The following NAV3 variants were observed in gnomAD, a reference collection of about 807,000 sequenced individuals.
The protein encoded by NAV3 is pore membrane and/or filament interacting like protein 1.
Under a neutral mutation model 244.7 loss-of-function variants are expected in NAV3, and 87 were observed. The observed-to-expected ratio is 0.36, with a 90% CI of 0.30 to 0.42. NAV3 has a LOEUF of 0.42. Among genes scored for constraint, NAV3 ranks in the 20% least tolerant of loss-of-function variants. NAV3 has a pLI of 1.00. For missense variants in NAV3, 2,663 were observed against 2,893.3 expected, an observed-to-expected ratio of 0.92 and a Z score of 1.83; for synonymous variants, 1,126 against 1,042.2, an observed-to-expected ratio of 1.08 and a Z score of -1.55.
intron 2 of NAV3, among the ~76,000 whole-genome samples, chr12:77,813,511 T>C (rs1267468769): frequency 6.6e-6 from 1 of 152,178 alleles, no homozygotes; most frequent in Non-Finnish European, 1.5e-5. Context: ...CCAGATATCA[T>C]TGATTTAACT....
At chr12:77,701,527 C>T (rs1191693402) in intron 2 of NAV3, among the ~76,000 whole-genome samples, 2 of 151,752 alleles carry the variant, frequency 1.3e-5, no homozygotes, top group African/African-American at 2.4e-5. Context: ...TTTTCATACT[C>T]TTCATTTTAA....
chr12:77,592,347 AT>A (rs1565728342), intron 2 of NAV3, among the ~76,000 whole-genome samples: 1 of 152,150 alleles, frequency 6.6e-6, no homozygotes, highest in Non-Finnish European at 1.5e-5. Flanking sequence ...GATGTTATAT[AT>A]TTTTTGATAC....
At position 77,856,326 on chromosome 12, in the gene NAV3, A is replaced by G. The variant is rs78289074; in HGVS notation, c.243+24622A>G. On this transcript the variant is annotated intron_variant, in intron 1 of 39. Transcript: ENST00000397909. ...AGAATAAATAATGCTTTATGAAATGATAATGACAAGGTGAAAATTAGGAGG... is the reference window on the plus strand; with the variant it reads ...AGAATAAATAATGCTTTATGAAATGGTAATGACAAGGTGAAAATTAGGAGG... 1.6e-3 allele frequency among the ~76,000 whole-genome samples: 241 copies of G among 152,278 alleles called. 2 individuals are homozygous for G. The East Asian group carries it at 0.039, about 24-fold the overall frequency.
At chr12:78,100,420 A>C (rs901245196) in intron 12 of NAV3, among the ~76,000 whole-genome samples, 1 of 151,876 alleles carries the variant, frequency 6.6e-6, no homozygotes, top group Non-Finnish European at 1.5e-5. Context: ...CAAGAGACCT[A>C]GAGTCTCTTT....
At chr12:78,001,389 T>C (rs979685161) in intron 7 of NAV3, among the ~76,000 whole-genome samples, 4 of 152,358 alleles carry the variant, frequency 2.6e-5, no homozygotes, top group African/African-American at 9.6e-5. Context: ...ATACATTCTT[T>C]AACAACTCTG....
At position 78,118,285 on chromosome 12, in the gene NAV3, C is replaced by A. The variant is rs956237809; in HGVS notation, c.3028C>A (p.Leu1010Ile). 1.9e-6 allele frequency: 3 copies of A among 1,604,100 alleles called. No homozygotes were observed. The highest frequency in any genetic ancestry group is 2.6e-6 in the Non-Finnish European group (3 of 1,172,834). ...PSRQKAGTSA[L>I]KTPGKTDDAK... ...TAGGCAGAAAGCTGGAACAAGTGCACTCAAAACACCCGGTAGGCTTGTCGT... is the reference window on the plus strand; with the variant it reads ...TAGGCAGAAAGCTGGAACAAGTGCAATCAAAACACCCGGTAGGCTTGTCGT... Residue 1010 changes from leucine to isoleucine, a missense_variant, in exon 14 of 40, where the codon CTC (leucine) becomes ATC (isoleucine). By Grantham distance (5) the Leu-to-Ile change is conservative. This residue lies in a region of NAV3 where 1,521 missense variants were observed against 1,497.0 expected (regional missense o/e 1.02). Coordinates refer to ENST00000397909, the MANE Select transcript of NAV3 (RefSeq NM_001024383.2).
intron 12 of NAV3, among the ~76,000 whole-genome samples, chr12:78,060,137 G>C (rs1240074110): frequency 6.6e-6 from 1 of 152,060 alleles, no homozygotes; most frequent in African/African-American, 2.4e-5. Context: ...TTTTGACTTT[G>C]TTGAGCAGGA....
At chr12:77,760,212 A>G (rs1454900261) in intron 2 of NAV3, among the ~76,000 whole-genome samples, 1 of 152,222 alleles carries the variant, frequency 6.6e-6, no homozygotes, top group Non-Finnish European at 1.5e-5. Context: ...TAGCCATGTA[A>G]AAACTTCCAA....
At position 78,128,821 on chromosome 12, in the gene NAV3, G is replaced by T. The variant is rs1346218052; in HGVS notation, c.4396G>T (p.Ala1466Ser). The T allele has an allele frequency of 5.6e-6, 9 of 1,613,970 alleles. No individual in the cohort carries two copies. The highest frequency in any genetic ancestry group is 6.8e-6 in the Non-Finnish European group (8 of 1,179,940). ...GNQSPLVSPS[A>S]MSSSAAGKYH... ...CCAGTCACCTCTGGTTTCCCCTTCTGCCATGTCATCTTCTGCAGCTGGAAA... is the reference window on the plus strand; with the variant it reads ...CCAGTCACCTCTGGTTTCCCCTTCTTCCATGTCATCTTCTGCAGCTGGAAA... Residue 1466 changes from alanine (A) to serine (S), a missense_variant, in exon 18 of 40, where the codon GCC (alanine) becomes TCC (serine). Coordinates refer to ENST00000397909, the MANE Select transcript of NAV3 (RefSeq NM_001024383.2).
At position 78,032,371 on chromosome 12, in the gene NAV3, A is replaced by C. The variant is rs569849886; in HGVS notation, c.2023+10509A>C. ...GTCTTTGCCATTAAATGGTAATGAA[A>C]GTTTAAAAAGGTAATAAATTATGGT... On this transcript the variant is annotated intron_variant, in intron 9 of 39. Coordinates refer to ENST00000397909, the MANE Select transcript of NAV3 (RefSeq NM_001024383.2). 2.6e-5 allele frequency among the ~76,000 whole-genome samples: 4 copies of C among 152,302 alleles called. No homozygotes were observed. The South Asian group carries it at 8.3e-4, about 32-fold the overall frequency.
intron 1 of NAV3, among the ~76,000 whole-genome samples, chr12:77,857,338 C>T (rs1411285345): frequency 6.6e-6 from 1 of 151,726 alleles, no homozygotes; most frequent in African/African-American, 2.4e-5. Context: ...ATCATATATT[C>T]CAAGATTTTG....
intron 2 of NAV3, among the ~76,000 whole-genome samples, chr12:77,721,292 G>A (rs746655191): frequency 4.6e-5 from 7 of 152,068 alleles, no homozygotes; most frequent in Non-Finnish European, 7.4e-5. Context: ...TCCAAAAGAT[G>A]TAGATGTTGT....
chr12:77,893,655 A>T (rs796117896), intron 1 of NAV3, among the ~76,000 whole-genome samples: 17 of 152,266 alleles, frequency 1.1e-4, no homozygotes, highest in African/African-American at 4.1e-4. Context: ...TTCAAGGATG[A>T]GTTTTACTCA....
intron 6 of NAV3, among the ~76,000 whole-genome samples, chr12:77,995,626 A>G (rs1016263559): frequency 6.6e-6 from 1 of 152,166 alleles, no homozygotes; most frequent in Non-Finnish European, 1.5e-5. Context: ...TTGATGAATC[A>G]TATTATGCAG....
chr12:77,914,737 A>G (rs941621600), intron 1 of NAV3, among the ~76,000 whole-genome samples: 5 of 151,956 alleles, frequency 3.3e-5, no homozygotes, highest in Non-Finnish European at 7.4e-5. Flanking sequence ...TGTAAAAATC[A>G]ATTTTCAGAT....
At chr12:77,940,768 A>G (rs757197646) in intron 2 of NAV3, among the ~76,000 whole-genome samples, 35 of 152,218 alleles carry the variant, frequency 2.3e-4, no homozygotes, top group Non-Finnish European at 4.6e-4. Context: ...ACACTCTGAG[A>G]TGCCTTGAAA....
chr12:77,812,755 G>C (rs996353959), intron 2 of NAV3, among the ~76,000 whole-genome samples: 3 of 152,082 alleles, frequency 2.0e-5, no homozygotes, highest in Admixed American at 2.0e-4. Flanking sequence ...TGTGATAACA[G>C]TCACACTTGA....
chr12:78,174,599 G>A (rs1394231105), intron 24 of NAV3, among the ~76,000 whole-genome samples: 1 of 151,882 alleles, frequency 6.6e-6, no homozygotes, highest in Non-Finnish European at 1.5e-5. Flanking sequence ...TTTGTTATTG[G>A]TATTACTATT....
intron 2 of NAV3, among the ~76,000 whole-genome samples, chr12:77,741,148 C>CAAAAAAAAAAAAAAAAGAAAAAAAAAAAA (rs1868322686): frequency 1.5e-5 from 1 of 68,668 alleles, no homozygotes; most frequent in African/African-American, 5.9e-5. Flanking sequence ...AAAAAAAAGA[C>CAAAAAAAAAAAAAAAAGAAAAAAAAAAAA]AAAAAAAAAA....
Sources: allele counts gnomAD v4.1 joint callset (sites outside exome capture counted in the v4.1 genomes callset), GRCh38; gene constraint gnomAD v4.1.1; regional missense constraint gnomAD v4.1.1; transcripts MANE v1.5; gene names NCBI Gene and HGNC (gene_info 2026-07-23, HGNC 2026-07-21).